Variants in RBFOX3 observed in about 807,000 individuals in gnomAD.
The protein encoded by RBFOX3 is RNA binding protein fox-1 homolog 3.
A neutral mutation model predicts 48.7 loss-of-function variants in RBFOX3; 17 were observed. The ratio of observed to expected loss-of-function variants is 0.35; its 90% CI spans 0.24 to 0.52. The LOEUF (loss-of-function observed/expected upper bound fraction) is 0.52. Ranked by LOEUF, RBFOX3 falls within the 20% of genes least tolerant of loss-of-function variation. The pLI is 0.94. For synonymous variants in RBFOX3, 212 were observed against 209.5 expected (o/e 1.01, Z -0.10); for missense variants, 382 against 497.5 (o/e 0.77, Z 2.21).
At chr17:79,595,999 G>A (rs1427897474) in intron 1 of RBFOX3, among the ~76,000 whole-genome samples, 1 of 152,204 alleles carries the variant, frequency 6.6e-6, no homozygotes, top group Non-Finnish European at 1.5e-5. Context: ...CACACATCTG[G>A]AGGAGCCTCA....
chr17:79,131,235 G>C (rs1022368396), intron 4 of RBFOX3, among the ~76,000 whole-genome samples: 1 of 152,166 alleles, frequency 6.6e-6, no homozygotes, highest in Admixed American at 6.5e-5. Context: ...TGCGTGTACT[G>C]TGTGCTCTGT....
intron 3 of RBFOX3, among the ~76,000 whole-genome samples, chr17:79,282,854 T>C (rs931396094): frequency 6.6e-6 from 1 of 152,266 alleles, no homozygotes; most frequent in Non-Finnish European, 1.5e-5. Flanking sequence ...GCTGGTCTAC[T>C]GGACACCCAC....
At chr17:79,179,048 C>T (rs1315325459) in intron 4 of RBFOX3, among the ~76,000 whole-genome samples, 1 of 152,168 alleles carries the variant, frequency 6.6e-6, no homozygotes, top group African/African-American at 2.4e-5. Flanking sequence ...TTCCTGGAAT[C>T]CCACCAAGTC....
intron 3 of RBFOX3, among the ~76,000 whole-genome samples, chr17:79,279,996 T>C (rs12449931): frequency 0.43 from 65,938 of 151,830 alleles, 14,954 homozygotes; most frequent in East Asian, 0.8. Context: ...AAAATAGTAA[T>C]GGGTAGTCCA....
chr17:79,649,574 C>T, the RBFOX3 span, among the ~76,000 whole-genome samples: 7 of 152,248 alleles, frequency 4.6e-5, no homozygotes, highest in South Asian at 2.1e-4. Flanking sequence ...GGCATGATGG[C>T]GGAGGCCTGT....
intron 4 of RBFOX3, among the ~76,000 whole-genome samples, chr17:79,218,737 C>G (rs569358610): frequency 2.2e-4 from 33 of 152,258 alleles, no homozygotes; most frequent in African/African-American, 7.2e-4. Flanking sequence ...GGGAAGTGGT[C>G]GCTGAGGCTG....
At chr17:79,429,265 C>T (rs1598651948) in intron 2 of RBFOX3, among the ~76,000 whole-genome samples, 1 of 152,330 alleles carries the variant, frequency 6.6e-6, no homozygotes, top group South Asian at 2.1e-4. Context: ...CAGTGGCCAG[C>T]GACCACACAC....
intron 3 of RBFOX3, among the ~76,000 whole-genome samples, chr17:79,285,423 A>G (rs2071631207): frequency 6.6e-6 from 1 of 152,224 alleles, no homozygotes; most frequent in East Asian, 1.9e-4. Context: ...TTTACGTGAT[A>G]CACCCAGAGA....
chr17:79,338,775 G>C (rs1032169588), intron 2 of RBFOX3, among the ~76,000 whole-genome samples: 2 of 152,210 alleles, frequency 1.3e-5, no homozygotes, highest in Non-Finnish European at 2.9e-5. Flanking sequence ...GTGTGTTCCA[G>C]AGGATGCCTT....
chr17:79,410,728 C>T (rs928838910), intron 2 of RBFOX3, among the ~76,000 whole-genome samples: 3 of 152,194 alleles, frequency 2.0e-5, no homozygotes, highest in Admixed American at 6.5e-5. Flanking sequence ...TTTTGTTACT[C>T]ATCAGTGGCA....
At chr17:79,649,250 G>T in the RBFOX3 span, among the ~76,000 whole-genome samples, 1 of 152,172 alleles carries the variant, frequency 6.6e-6, no homozygotes, top group Admixed American at 6.5e-5. Context: ...AAAGTGCTGG[G>T]ATTACAGGTG....
At chr17:79,554,593 C>T (rs1007966788) in intron 1 of RBFOX3, among the ~76,000 whole-genome samples, 1 of 152,252 alleles carries the variant, frequency 6.6e-6, no homozygotes, top group Non-Finnish European at 1.5e-5. Flanking sequence ...TTTGCCTTCC[C>T]CAGCAGGCTG....
chr17:79,340,012 G>T (rs779663195), intron 2 of RBFOX3, among the ~76,000 whole-genome samples: 1 of 152,120 alleles, frequency 6.6e-6, no homozygotes, highest in Non-Finnish European at 1.5e-5. Context: ...AAACTTCTGA[G>T]CATGGGCCGG....
chr17:79,381,232 C>A (rs962036954), intron 2 of RBFOX3, among the ~76,000 whole-genome samples: 7 of 149,730 alleles, frequency 4.7e-5, no homozygotes, highest in African/African-American at 1.5e-4. Flanking sequence ...TGCATTCCAG[C>A]CTGGATGACA....
intron 2 of RBFOX3, among the ~76,000 whole-genome samples, chr17:79,394,939 G>A (rs1033238507): frequency 5.9e-5 from 9 of 152,230 alleles, no homozygotes; most frequent in African/African-American, 1.9e-4. Context: ...ACGCAGAGAG[G>A]CGGCAAGACG....
intron 2 of RBFOX3, among the ~76,000 whole-genome samples, chr17:79,336,972 T>C (rs1307194672): frequency 6.6e-6 from 1 of 152,008 alleles, no homozygotes; most frequent in Non-Finnish European, 1.5e-5. Flanking sequence ...ATACAAAAAT[T>C]AGCTGGGCAT....
intron 1 of RBFOX3, among the ~76,000 whole-genome samples, chr17:79,572,809 C>G (rs2144596045): frequency 1.3e-5 from 2 of 152,330 alleles, no homozygotes; most frequent in East Asian, 3.9e-4. Context: ...AGAATAATGG[C>G]CACGCTGCAG....
intron 2 of RBFOX3, among the ~76,000 whole-genome samples, chr17:79,329,600 G>A (rs2079900303): frequency 6.6e-6 from 1 of 152,104 alleles, no homozygotes; most frequent in Non-Finnish European, 1.5e-5. Flanking sequence ...CTGCATGCCT[G>A]GTGGGGGCTC....
At chr17:79,147,952 C>G (rs1345947247) in intron 4 of RBFOX3, among the ~76,000 whole-genome samples, 2 of 152,252 alleles carry the variant, frequency 1.3e-5, no homozygotes, top group Non-Finnish European at 2.9e-5. Context: ...AATCACTGAC[C>G]TGTGAATATT....
Sources: gnomAD v4.1 joint callset for allele counts (sites outside exome capture counted in the v4.1 genomes callset) on GRCh38, gnomAD v4.1.1 for gene constraint, MANE v1.5 for transcripts, NCBI Gene and HGNC (gene_info 2026-07-23, HGNC 2026-07-21) for gene names.